The following ZNF85 variants were observed in gnomAD, a reference collection of about 807,000 sequenced individuals.
The protein encoded by ZNF85 is zinc finger protein 85, also known as zinc finger protein 85 (HPF4, HTF1).
In ZNF85, 50 loss-of-function variants were observed where a neutral mutation model predicts 53.9. The observed-to-expected ratio is 0.93, with a 90% CI of 0.74 to 1.17. The LOEUF is 1.17. ZNF85 is among the 50% of genes most tolerant of loss of function. The pLI, the probability that ZNF85 is intolerant of heterozygous loss-of-function variation, is 0.00. For missense variants in ZNF85, 747 were observed against 688.5 expected, an observed-to-expected ratio of 1.08 and a Z score of -0.95; for synonymous variants, 225 against 226.1, an observed-to-expected ratio of 1.00 and a Z score of 0.04.
At chr19:20,934,906 A>C in intron 2 of ZNF85, 43 bp from the exon 3 acceptor site, 1 of 1,406,848 alleles carries the variant, frequency 7.1e-7, no homozygotes, top group Non-Finnish European at 9.8e-7. Flanking sequence ...TGGTCATTAG[A>C]GAATATGAGC....
At chr19:20,936,442 A>C (rs1475132113) in intron 3 of ZNF85, 1 of 152,220 alleles carries the variant, frequency 6.6e-6, no homozygotes, top group Non-Finnish European at 1.5e-5. Flanking sequence ...CTGCAGAAAG[A>C]GTACACTCGC....
At chr19:20,930,639 T>C (rs192571858) in intron 1 of ZNF85, among the ~76,000 whole-genome samples, 113 of 152,380 alleles carry the variant, frequency 7.4e-4, no homozygotes, top group African/African-American at 2.7e-3. Context: ...TAGTTCCTGC[T>C]TAATATATCT....
At chr19:20,923,833 G>A (rs979072383) in intron 1 of ZNF85, among the ~76,000 whole-genome samples, 2 of 152,164 alleles carry the variant, frequency 1.3e-5, no homozygotes, top group South Asian at 2.1e-4. Flanking sequence ...TGTAATTTCA[G>A]CACTTTGGGA....
chr19:20,928,719 T>A (rs1972937011), intron 1 of ZNF85: 1 of 152,310 alleles, frequency 6.6e-6, no homozygotes, highest in African/African-American at 2.4e-5. Context: ...GCAAACTGTT[T>A]TCTCCACCAA....
Position 20,949,614 on chromosome 19 carries a change from A to G in ZNF85, c.1100A>G (p.Glu367Gly). Residue 367 changes from glutamate to glycine, a missense_variant, in exon 4 of 4, where the codon GAG becomes GGG. Physicochemically the swap from Glu to Gly is moderately conservative, Grantham distance 98. Coordinates refer to ENST00000328178, the MANE Select transcript of ZNF85 (RefSeq NM_003429.5). ...ACACATGAGGTAATTCATACTGGAGAGAAACCCTACAAATGTGAAAAATGT... is the reference window on the plus strand; with the variant it reads ...ACACATGAGGTAATTCATACTGGAGGGAAACCCTACAAATGTGAAAAATGT... The part of the protein sequence containing the change: ...LTTHEVIHTG[E>G]KPYKCEKCGK... 6.2e-7 allele frequency: 1 copy of G among 1,602,568 alleles called. No individual in the cohort carries two copies. Among genetic ancestry groups the G allele is most frequent in the Non-Finnish European group, 8.5e-7 (1 of 1,171,978 alleles).
chr19:20,929,000 C>A (rs7251344), intron 1 of ZNF85, among the ~76,000 whole-genome samples: 72,422 of 151,786 alleles, frequency 0.48, 18,413 homozygotes, highest in Non-Finnish European at 0.56. Flanking sequence ...AGCACCAAAC[C>A]AATATTTATT....
intron 1 of ZNF85, among the ~76,000 whole-genome samples, chr19:20,925,514 T>C (rs1039481825): frequency 1.3e-5 from 2 of 151,358 alleles, no homozygotes; most frequent in African/African-American, 2.4e-5. Flanking sequence ...TGGAGACACA[T>C]TGAGAGAAAA....
chr19:20,949,332 T>C lies in ZNF85; in HGVS notation c.818T>C (p.Leu273Pro), dbSNP rs779573236. Residue 273 changes from leucine to proline, a missense_variant, in exon 4 of 4, where the codon CTT (leucine) becomes CCT (proline). Coordinates refer to ENST00000328178, the MANE Select transcript of ZNF85 (RefSeq NM_003429.5). ...CGKTFNRFST[L>P]TTHKIIHTGE... ...AAAACTTTTAACCGATTCTCAACTCTTACTACCCATAAGATAATTCATACT... is the reference window on the plus strand; with the variant it reads ...AAAACTTTTAACCGATTCTCAACTCCTACTACCCATAAGATAATTCATACT... 2.5e-6 allele frequency: 4 copies of C among 1,608,926 alleles called. No homozygotes were observed. The Admixed American group carries it at 5.0e-5, about 20-fold the overall frequency.
chr19:20,928,225 G>A (rs12975562), intron 1 of ZNF85: 29,906 of 152,058 alleles, frequency 0.2, 3,391 homozygotes, highest in Non-Finnish European at 0.25. Context: ...ACCCTGAATC[G>A]GGGTCTGTGC....
In ZNF85 at chr19:20,923,283, G is replaced by T. The variant is rs1568542863; in HGVS notation, c.-118G>T. 5.2e-6 allele frequency: 8 copies of T among 1,524,820 alleles called. No homozygotes were observed. Among genetic ancestry groups the T allele is most frequent in the Non-Finnish European group, 7.2e-6 (8 of 1,104,530 alleles). 94.5% of individuals were successfully genotyped at this position (1,524,820 alleles called of 1,614,324 possible). ...TCTCTCGCTGCAGCCTGAGCTCTAG[G>T]TCTTGTTTTCCCTGCTTTGTGTTTT... On this transcript the variant is annotated 5_prime_UTR_variant, in exon 1 of 4. Coordinates refer to ENST00000328178, the MANE Select transcript of ZNF85 (RefSeq NM_003429.5).
At chr19:20,934,228 TA>T in intron 2 of ZNF85, 78 bp downstream of exon 2, 1 of 1,544,092 alleles carries the variant, frequency 6.5e-7, no homozygotes, top group Non-Finnish European at 8.7e-7. Context: ...GTTTTTCTGG[TA>T]AAGTGTGCTT....
chr19:20,924,085 CA>C (rs35334102), intron 1 of ZNF85, among the ~76,000 whole-genome samples: 32,024 of 96,304 alleles, frequency 0.33, 3,278 homozygotes, highest in Middle Eastern at 0.38. Flanking sequence ...AACTCCGTCT[CA>C]AAAAAAAAAA....
Position 20,925,238 on chromosome 19 carries a change from C to T in ZNF85, c.3+1835C>T, listed in dbSNP as rs190014771. Among the ~76,000 whole-genome samples the T allele has an allele frequency of 4.0e-3, 611 of 152,136 alleles. 4 individuals carry two copies. Among genetic ancestry groups the T allele is most frequent in the Non-Finnish European group, 4.4e-3 (302 of 68,010 alleles). ...CTTTGTGAGGCCGAGGCGGGCGGAT[C>T]GCGAGGTCAGGAATTTGAGACCAGC... On this transcript the variant is annotated intron_variant, in intron 1 of 3. Transcript: ENST00000328178.
At chr19:20,937,191 C>T (rs935383254) in intron 3 of ZNF85, 5 of 378,238 alleles carry the variant, frequency 1.3e-5, no homozygotes, top group African/African-American at 1.1e-4. Context: ...ACCACAACGT[C>T]TGGCCAATTT....
Position 20,949,576 on chromosome 19 carries a change from T to A in ZNF85, c.1062T>A (p.Ser354=), listed in dbSNP as rs1389983924. Residue 354 remains serine, a synonymous_variant, in exon 4 of 4, where the codon TCT becomes TCA. Coordinates refer to ENST00000328178, the MANE Select transcript of ZNF85 (RefSeq NM_003429.5). ...AATGTGGAAAAGCCTTTAACCAGTC[T>A]GCACACCTTACCACACATGAGGTAA... ...CKKCGKAFNQ[S]AHLTTHEVIH... is the part of the protein sequence containing the mutation. The A allele has an allele frequency of 1.1e-5, 17 of 1,596,526 alleles. No homozygotes were observed. The highest frequency in any genetic ancestry group is 1.5e-5 in the Non-Finnish European group (17 of 1,168,482).
At chr19:20,942,871 G>A (rs754462196) in intron 3 of ZNF85, 152 of 694,622 alleles carry the variant, frequency 2.2e-4, no homozygotes, top group Non-Finnish European at 3.6e-4. Flanking sequence ...AACCTTCTGG[G>A]GTCAAGTGAT....
Position 20,950,524 on chromosome 19 carries a change from C to A in ZNF85, c.*222C>A, listed in dbSNP as rs983040073. 1 of 407,154 alleles carries A rather than the reference C, an allele frequency of 2.5e-6. No homozygotes were observed. The highest frequency in any genetic ancestry group is 4.0e-5 in the Admixed American group (1 of 24,978). 25.2% of individuals were successfully genotyped at this position (407,154 alleles called of 1,614,324 possible). A position where few individuals can be genotyped will look rare whatever the true frequency, so the allele number is the denominator to read the frequency against. The stretch of plus-strand genomic sequence containing the variant: ...GTAAGATAATTCATATTGGAACAAA[C>A]TACAAGTGCAAACAATGTGGCAAAA... On this transcript the variant is annotated 3_prime_UTR_variant, in exon 4 of 4. Transcript: ENST00000328178.
rs755875458 is a variant in ZNF85, at chr19:20,948,799, T to C, written c.285T>C (p.Ser95=). 2.7e-5 allele frequency: 43 copies of C among 1,607,712 alleles called. No individual in the cohort carries two copies. Among genetic ancestry groups the C allele is most frequent in the Non-Finnish European group, 3.5e-5 (41 of 1,178,036 alleles). ...GGCCGGAGCAGAATATAAAAGATTC[T>C]TTCCAAAAAGTGACACTGAAAAGAT... ...DLWPEQNIKD[S]FQKVTLKRYG... The change falls in exon 4 of 4, where the codon TCT becomes TCC. Residue 95 remains serine, a synonymous_variant. Transcript: ENST00000328178.
rs1973525999 is a variant in ZNF85, at chr19:20,949,718, G to C, written c.1204G>C (p.Glu402Gln). Reference sequence around the variant, plus strand: ...TGGAGAGAAACCTTACAAATGTAAAGAATGTGGTAAAGCTTTTAAACACTC... The same window carrying C: ...TGGAGAGAAACCTTACAAATGTAAACAATGTGGTAAAGCTTTTAAACACTC... ...HTGEKPYKCKECGKAFKHSST... is the reference protein window; with the variant it reads ...HTGEKPYKCKQCGKAFKHSST... Residue 402 changes from glutamate to glutamine, a missense_variant, in exon 4 of 4, where the codon GAA (glutamate) becomes CAA (glutamine). Physicochemically the swap from Glu to Gln is conservative, Grantham distance 29. Coordinates refer to ENST00000328178, the MANE Select transcript of ZNF85 (RefSeq NM_003429.5). 1 of 1,612,948 alleles carries C rather than the reference G, an allele frequency of 6.2e-7. No individual in the cohort carries two copies. The highest frequency in any genetic ancestry group is 8.5e-7 in the Non-Finnish European group (1 of 1,179,398).
Sources: allele counts gnomAD v4.1 joint callset (sites outside exome capture counted in the v4.1 genomes callset), GRCh38; gene constraint gnomAD v4.1.1; transcripts MANE v1.5; gene names NCBI Gene and HGNC (gene_info 2026-07-23, HGNC 2026-07-21).